SVIL: variants seen among roughly 807,000 people sequenced by gnomAD.
SVIL encodes supervillin.
A neutral mutation model predicts 240.4 loss-of-function variants in SVIL; 101 were observed. The ratio of observed to expected loss-of-function variants is 0.42; its 90% CI spans 0.36 to 0.50. The LOEUF (loss-of-function observed/expected upper bound fraction) is 0.50, where lower values mean the gene tolerates loss of function less well. Ranked by LOEUF, SVIL falls within the 20% of genes least tolerant of loss-of-function variation. The pLI is 0.01. For synonymous variants in SVIL, 999 were observed against 1,100.0 expected (o/e 0.91, Z 1.82); for missense variants, 2,512 against 2,818.7 (o/e 0.89, Z 2.46).
At chr10:29,711,475 G>A (rs1963277250) in intron 1 of SVIL, among the ~76,000 whole-genome samples, 1 of 150,972 alleles carries the variant, frequency 6.6e-6, no homozygotes, top group Non-Finnish European at 1.5e-5. Context: ...AATGCGCCAT[G>A]ACTGGACAGG....
At chr10:29,473,449 C>G (rs771688245) in intron 30 of SVIL, 2 of 233,398 alleles carry the variant, frequency 8.6e-6, no homozygotes, top group East Asian at 2.8e-4. Flanking sequence ...CCTACCGAGG[C>G]CTTGCCAGCT....
At chr10:29,681,488 T>C (rs1195692585) in intron 2 of SVIL, among the ~76,000 whole-genome samples, 1 of 147,162 alleles carries the variant, frequency 6.8e-6, no homozygotes, top group East Asian at 2.0e-4. Context: ...GAGGAGGAGA[T>C]AAGAAGCATA....
At chr10:29,506,897 G>C (rs1465107409) in intron 17 of SVIL, among the ~76,000 whole-genome samples, 1 of 152,192 alleles carries the variant, frequency 6.6e-6, no homozygotes, top group Non-Finnish European at 1.5e-5. Context: ...GCAGGGAGGA[G>C]ATGGGAGCCT....
At chr10:29,703,712 T>C (rs1386005317) in intron 1 of SVIL, among the ~76,000 whole-genome samples, 1 of 152,210 alleles carries the variant, frequency 6.6e-6, no homozygotes, top group Non-Finnish European at 1.5e-5. Flanking sequence ...TCATCCCAAA[T>C]GGGATTCCTC....
intron 1 of SVIL, chr10:29,576,238 C>G (rs911885605): frequency 7.2e-6 from 3 of 418,214 alleles, no homozygotes; most frequent in Non-Finnish European, 9.6e-6. Context: ...ACATGATTAC[C>G]CTTGTGCACT....
intron 31 of SVIL, among the ~76,000 whole-genome samples, chr10:29,470,788 A>G (rs548800452): frequency 6.6e-6 from 1 of 152,312 alleles, no homozygotes; most frequent in Admixed American, 6.5e-5. Flanking sequence ...ATATTTTAAA[A>G]GGCTCTAGAG....
intron 1 of SVIL, among the ~76,000 whole-genome samples, chr10:29,616,529 G>C (rs1006028980): frequency 2.6e-5 from 4 of 152,174 alleles, no homozygotes; most frequent in Non-Finnish European, 4.4e-5. Flanking sequence ...GTACTGCACT[G>C]ATATTTTTTA....
At chr10:29,656,864 C>A (rs1959022643) in intron 3 of SVIL, among the ~76,000 whole-genome samples, 1 of 152,136 alleles carries the variant, frequency 6.6e-6, no homozygotes, top group Admixed American at 6.6e-5. Flanking sequence ...CCAGATTGAA[C>A]CCCTGGTGTT....
At position 29,634,439 on chromosome 10, in the gene SVIL, C is replaced by A. The variant is rs1462476872; in HGVS notation, c.-220G>T. ...ACTTACTTCAAATTTCTGTATAATCCTCGTTCCTCTAAGTTAAAGGGGGAA... is the reference window on the plus strand; with the variant it reads ...ACTTACTTCAAATTTCTGTATAATCATCGTTCCTCTAAGTTAAAGGGGGAA... On this transcript the variant is annotated 5_prime_UTR_variant, in exon 1 of 38. It adds an upstream start codon to the 5' untranslated region. Transcript: ENST00000355867. The A allele has an allele frequency of 6.6e-6, 1 of 152,078 alleles. No homozygotes were observed. The highest frequency in any genetic ancestry group is 1.5e-5 in the Non-Finnish European group (1 of 68,016). 9.4% of individuals were successfully genotyped at this position (152,078 alleles called of 1,614,324 possible). A position where few individuals can be genotyped will look rare whatever the true frequency, so the allele number is the denominator to read the frequency against.
intron 2 of SVIL, among the ~76,000 whole-genome samples, chr10:29,670,224 A>T (rs989980953): frequency 1.3e-5 from 2 of 152,198 alleles, no homozygotes; most frequent in Non-Finnish European, 2.9e-5. Flanking sequence ...TTTAGATATT[A>T]ATTTAATCTT....
chr10:29,502,027 G>A (rs1352527441), intron 17 of SVIL, among the ~76,000 whole-genome samples: 2 of 151,902 alleles, frequency 1.3e-5, no homozygotes, highest in Admixed American at 1.3e-4. Flanking sequence ...GATTCCCTCA[G>A]AGCCCTTTAT....
At chr10:29,726,465 G>T (rs1419774058) in intron 1 of SVIL, among the ~76,000 whole-genome samples, 1 of 152,126 alleles carries the variant, frequency 6.6e-6, no homozygotes, top group African/African-American at 2.4e-5. Context: ...TGCTAACTGT[G>T]GCCGGGCACG....
upstream of SVIL, among the ~76,000 whole-genome samples, chr10:29,636,547 C>T (rs551365306): frequency 4.6e-5 from 7 of 152,206 alleles, no homozygotes; most frequent in South Asian, 2.1e-4. Context: ...AAATCTCCTT[C>T]GTCACTTCTT....
At chr10:29,639,971 C>G (rs1295653170), upstream of SVIL, among the ~76,000 whole-genome samples, 2 of 152,162 alleles carry the variant, frequency 1.3e-5, no homozygotes. Context: ...CCAGGTCATG[C>G]ACAGAAGAGA....
chr10:29,493,913 G>A (rs1162967790), intron 20 of SVIL, among the ~76,000 whole-genome samples: 2 of 152,180 alleles, frequency 1.3e-5, no homozygotes, highest in South Asian at 2.1e-4. Flanking sequence ...GGTGGCTTAC[G>A]CTTATAATCC....
chr10:29,458,488 C>T lies in SVIL; in HGVS notation c.6504G>A (p.Pro2168=), dbSNP rs1887465. 409,226 of 1,585,330 alleles carry T rather than the reference C, an allele frequency of 0.26. 57,186 individuals carry two copies. Among genetic ancestry groups the T allele is most frequent in the East Asian group, 0.54 (23,816 of 44,464 alleles). The part of the protein sequence containing the change: ...PLADLLARPL[P]EGVDPLKLEI... ...CAAGCTTCAGAGGATCGACCCCCTC[C>T]GGGAGTGGCCTGGCCAGGAGGTCGG... Residue 2168 remains proline, a synonymous_variant, in exon 37 of 38, where the codon CCG becomes CCA. Transcript: ENST00000355867.
In SVIL at chr10:29,550,898, T is replaced by A. The variant is rs1399779865; in HGVS notation, c.526A>T (p.Arg176Trp). 2 of 1,614,118 alleles carry A rather than the reference T, an allele frequency of 1.2e-6. No homozygotes were observed. The highest frequency in any genetic ancestry group is 3.3e-5 in the Admixed American group (2 of 60,016). Residue 176 changes from arginine to tryptophan, a missense_variant, in exon 6 of 38, where the codon AGG (arginine) becomes TGG (tryptophan). Coordinates refer to ENST00000355867, the MANE Select transcript of SVIL (RefSeq NM_021738.3). ...LYPGTETMGL[R>W]TCAGESKDYA... Reference sequence around the variant, plus strand: ...TCCTTGGATTCACCGGCACAGGTCCTGAGCCCCATCGTCTCGGTCCCGGGG... The same window carrying A: ...TCCTTGGATTCACCGGCACAGGTCCAGAGCCCCATCGTCTCGGTCCCGGGG...
At chr10:29,551,522 C>A (rs746921055) in intron 5 of SVIL, among the ~76,000 whole-genome samples, 1 of 152,226 alleles carries the variant, frequency 6.6e-6, no homozygotes, top group African/African-American at 2.4e-5. Context: ...AACTTCAGCT[C>A]AGCCCCTTCA....
In SVIL at chr10:29,574,903, G is replaced by A. The variant is rs1955619765; in HGVS notation, c.-200-5591C>T. 2.6e-5 allele frequency among the ~76,000 whole-genome samples: 4 copies of A among 152,178 alleles called. No individual in the cohort carries two copies. In the South Asian group the frequency reaches 8.3e-4, roughly 32 times the overall value. ...CCCACAGACCTTGCTCGAAACCAGG[G>A]CTACCCCCAGATATGAGTAACTAGG... is the stretch of plus-strand genomic sequence containing the variant. On this transcript the variant is annotated intron_variant, in intron 1 of 37. Coordinates refer to ENST00000355867, the MANE Select transcript of SVIL (RefSeq NM_021738.3).
Sources: allele counts gnomAD v4.1 joint callset (sites outside exome capture counted in the v4.1 genomes callset), GRCh38; gene constraint gnomAD v4.1.1; transcripts MANE v1.5; gene names NCBI Gene and HGNC (gene_info 2026-07-23, HGNC 2026-07-21).